ADGRE2: variants seen among roughly 807,000 people sequenced by gnomAD.
ADGRE2 encodes the protein CD97 antigen.
A neutral mutation model predicts 100.8 loss-of-function variants in ADGRE2; 83 were observed. That is an observed-to-expected ratio of 0.82 (90% CI 0.69 to 0.99). The LOEUF (loss-of-function observed/expected upper bound fraction) is 0.99. Among genes scored for constraint, ADGRE2 ranks in the 50% least tolerant of loss-of-function variants. The pLI, the probability that ADGRE2 is intolerant of heterozygous loss-of-function variation, is 0.00. For missense variants in ADGRE2, 814 were observed against 1,035.7 expected (o/e 0.79, Z 2.94); for synonymous variants, 355 against 413.0 (o/e 0.86, Z 1.70).
At position 14,766,295 on chromosome 19, in the gene ADGRE2, G is replaced by C; in HGVS notation, c.574C>G (p.Arg192Gly). 1 of 1,614,068 alleles carries C rather than the reference G, an allele frequency of 6.2e-7. No homozygotes were observed. The highest frequency in any genetic ancestry group is 8.5e-7 in the Non-Finnish European group (1 of 1,180,034). ...CCCGGAATCGGTTGCCAGCCCGGGC[G>C]GCAGCGGCACTGATAGCTGCCCACG... ...NNVGSYQCRC[R>G]PGWQPIPGSP... is the part of the protein sequence containing the mutation. Residue 192 changes from arginine (R) to glycine (G), a missense_variant, in exon 7 of 21, where the codon CGC becomes GGC. This residue lies in a region of ADGRE2 where 69 missense variants were observed against 75.3 expected (regional missense o/e 0.92). Coordinates refer to ENST00000315576, the MANE Select transcript of ADGRE2 (RefSeq NM_013447.4).
chr19:14,765,460 G>A, intron 9 of ADGRE2, 63 bp from the exon 10 acceptor site: 4 of 1,613,110 alleles, frequency 2.5e-6, no homozygotes, highest in South Asian at 2.2e-5. Flanking sequence ...TTTAGAACAA[G>A]GAGACGGATG....
At chr19:14,746,065 G>T (rs1357160157) in intron 18 of ADGRE2, among the ~76,000 whole-genome samples, 167 bp downstream of exon 18, 1 of 152,162 alleles carries the variant, frequency 6.6e-6, no homozygotes, top group Non-Finnish European at 1.5e-5. Flanking sequence ...GTCTCAACAG[G>T]ATACCACTGA....
intron 2 of ADGRE2, among the ~76,000 whole-genome samples, chr19:14,775,713 A>T (rs1428858414): frequency 6.6e-6 from 1 of 151,858 alleles, no homozygotes; most frequent in Non-Finnish European, 1.5e-5. Context: ...ACAAAACATT[A>T]GCTGGGCGTG....
rs1370232028 is a variant in ADGRE2, at chr19:14,733,698, C to G, written c.*2538G>C. ...TCTAACCTAATTCAGCCAGCAGCCC[C>G]TCTCAGGTGTGTTTTCTCTAAAATA... On this transcript the variant is annotated 3_prime_UTR_variant, in exon 21 of 21. Coordinates refer to ENST00000315576, the MANE Select transcript of ADGRE2 (RefSeq NM_013447.4). 1 of 152,250 alleles carries G rather than the reference C, an allele frequency of 6.6e-6. No homozygotes were observed. The highest frequency in any genetic ancestry group is 1.9e-4 in the East Asian group (1 of 5,204). The allele number at this position is 152,250 out of a possible 1,614,324, so 9.4% of individuals were successfully genotyped here.
At chr19:14,731,269 T>G, downstream of ADGRE2, 1 of 1,372,872 alleles carries the variant, frequency 7.3e-7, no homozygotes, top group Non-Finnish European at 1.0e-6. Context: ...GGATCACTAC[T>G]GGGGCTTGAA....
intron 5 of ADGRE2, among the ~76,000 whole-genome samples, chr19:14,768,387 G>T (rs147136790): frequency 2.0e-4 from 30 of 152,374 alleles, no homozygotes; most frequent in Middle Eastern, 6.8e-3. Flanking sequence ...GAAATGGCAG[G>T]ATGTAGTGAG....
intron 4 of ADGRE2, among the ~76,000 whole-genome samples, chr19:14,773,099 CA>C (rs1231448957): frequency 1.3e-3 from 96 of 72,086 alleles, no homozygotes; most frequent in South Asian, 3.5e-3. Flanking sequence ...AAAAAAAAAA[CA>C]AAAAAAAAAA....
chr19:14,737,932 G>A (rs1234293625), intron 20 of ADGRE2, among the ~76,000 whole-genome samples: 1 of 150,706 alleles, frequency 6.6e-6, no homozygotes, highest in African/African-American at 2.5e-5. Context: ...AGCCAAGATG[G>A]TGCCACTGTA....
chr19:14,759,503 A>ATATATATTT (rs60789454), intron 11 of ADGRE2, among the ~76,000 whole-genome samples: 5,671 of 133,220 alleles, frequency 0.043, 279 homozygotes, highest in East Asian at 0.19. Flanking sequence ...ATATATATAT[A>ATATATATTT]TTTTTTTTTT....
rs2043488552 is a variant in ADGRE2 at position 14,755,937 on chromosome 19, A to T, written c.1193-60T>A. The T allele has an allele frequency of 6.3e-6, 9 of 1,438,674 alleles. No individual in the cohort carries two copies. The South Asian group carries it at 8.4e-5, about 13-fold the overall frequency. 89.1% of individuals were successfully genotyped at this position (1,438,674 alleles called of 1,614,324 possible). A position where few individuals can be genotyped will look rare whatever the true frequency, so the allele number is the denominator to read the frequency against. ...GGTTGAATCTCTGGGTCCACACCAGAGTTCCTCTGCCCTGCACAGAACTTT... is the reference window on the plus strand; with the variant it reads ...GGTTGAATCTCTGGGTCCACACCAGTGTTCCTCTGCCCTGCACAGAACTTT... On this transcript the variant is annotated intron_variant, in intron 12 of 20. Coordinates refer to ENST00000315576, the MANE Select transcript of ADGRE2 (RefSeq NM_013447.4).
At chr19:14,739,606 G>A (rs2081873877) in intron 20 of ADGRE2, among the ~76,000 whole-genome samples, 1 of 152,148 alleles carries the variant, frequency 6.6e-6, no homozygotes, top group African/African-American at 2.4e-5. Context: ...ATATGGGTAT[G>A]AGAGACAGAA....
chr19:14,730,808 C>T (rs1223239245), downstream of ADGRE2, among the ~76,000 whole-genome samples: 3 of 151,518 alleles, frequency 2.0e-5, no homozygotes, highest in Non-Finnish European at 4.4e-5. Context: ...TGCCCTCCTC[C>T]CTCCCTCCTC....
intron 5 of ADGRE2, among the ~76,000 whole-genome samples, chr19:14,769,957 CA>C (rs1374383822): frequency 6.6e-6 from 1 of 152,182 alleles, no homozygotes; most frequent in Non-Finnish European, 1.5e-5. Context: ...CTCGGCCTCC[CA>C]AAGTGCTAGG....
rs764899381 is a variant in ADGRE2 at position 14,766,316 on chromosome 19, C to T, written c.553G>A (p.Gly185Ser). The T allele has an allele frequency of 1.9e-6, 3 of 1,614,062 alleles. No individual in the cohort carries two copies. In the South Asian group the frequency reaches 3.3e-5, roughly 18 times the overall value. The change falls in exon 7 of 21, where the codon GGC (glycine) becomes AGC (serine). Residue 185 changes from glycine (G) to serine (S), a missense_variant. By Grantham distance (56) the Gly-to-Ser change is moderately conservative. Transcript: ENST00000315576. Reference protein sequence around the residue: ...HSSTHCLNNVGSYQCRCRPGW... With the variant: ...HSSTHCLNNVSSYQCRCRPGW... ...GGGCGGCAGCGGCACTGATAGCTGC[C>T]CACGTTGTTGAGGCAGTGGGTGGAG...
At chr19:14,724,358 G>GAGC in the ADGRE2 span, among the ~76,000 whole-genome samples, 1 of 152,196 alleles carries the variant, frequency 6.6e-6, no homozygotes, top group Admixed American at 6.5e-5. Context: ...TTCACTTGGG[G>GAGC]AGCACATGGT....
In ADGRE2 at chr19:14,743,421, G is replaced by A. The variant is rs61732002; in HGVS notation, c.2462C>T (p.Thr821Met). 8.6e-3 allele frequency: 13,949 copies of A among 1,613,330 alleles called. 72 individuals carry two copies. The highest frequency in any genetic ancestry group is 0.01 in the Non-Finnish European group (12,028 of 1,179,272). ...CTCTGGAGCAATGCGTGATCTTACC[G>A]TGCTGGGTTTGGAGGTGTCAGCCTT... ...SAKADTSKPS[T>M]VN Residue 821 changes from threonine (T) to methionine (M), a missense_variant and splice_region_variant, in exon 20 of 21, where the codon ACG becomes ATG. Thr to Met is a moderately conservative substitution (Grantham distance 81). Transcript: ENST00000315576.
At chr19:14,764,745 G>A (rs3795032) in intron 10 of ADGRE2, 135 bp from the exon 11 acceptor site, 285,328 of 934,268 alleles carry the variant, frequency 0.31, 46,896 homozygotes, top group South Asian at 0.5. Flanking sequence ...GCGGCTGGGC[G>A]CGGTGGCTCA....
intron 10 of ADGRE2, among the ~76,000 whole-genome samples, chr19:14,764,886 G>A (rs1022287571): frequency 2.4e-4 from 37 of 152,126 alleles, no homozygotes; most frequent in African/African-American, 7.5e-4. Context: ...GCGTGGTGGC[G>A]TGTGCCTGTA....
intron 2 of ADGRE2, among the ~76,000 whole-genome samples, chr19:14,776,008 C>T (rs187852987): frequency 5.3e-5 from 8 of 152,220 alleles, no homozygotes; most frequent in Admixed American, 5.2e-4. Context: ...TGATATTTCA[C>T]CCCGGGCGCC....
Sources: allele counts gnomAD v4.1 joint callset (sites outside exome capture counted in the v4.1 genomes callset), GRCh38; gene constraint gnomAD v4.1.1; regional missense constraint gnomAD v4.1.1; transcripts MANE v1.5; gene names NCBI Gene and HGNC (gene_info 2026-07-23, HGNC 2026-07-21).